The following SLC9A8 variants were observed in gnomAD, a reference collection of about 807,000 sequenced individuals.
The protein encoded by SLC9A8 is solute carrier family 9 member A8, also known as sodium/hydrogen exchanger 8.
In SLC9A8, 48 loss-of-function variants were observed where a neutral mutation model predicts 66.6. That is an observed-to-expected ratio of 0.72 (90% CI 0.57 to 0.92). The LOEUF (loss-of-function observed/expected upper bound fraction) is 0.92, where lower values mean the gene tolerates loss of function less well. Among genes scored for constraint, SLC9A8 ranks in the 40% least tolerant of loss-of-function variants. The pLI is 0.00. For missense variants in SLC9A8, 599 were observed against 747.3 expected, an observed-to-expected ratio of 0.80 and a Z score of 2.31; for synonymous variants, 274 against 282.6, an observed-to-expected ratio of 0.97 and a Z score of 0.31.
At chr20:49,857,271 C>T (rs1006969614) in intron 8 of SLC9A8, among the ~76,000 whole-genome samples, 16 of 152,216 alleles carry the variant, frequency 1.1e-4, no homozygotes, top group African/African-American at 2.9e-4. Context: ...TTTCCATTTA[C>T]CTGAATACTG....
At chr20:49,835,679 CTTTT>C (rs34461954) in intron 3 of SLC9A8, among the ~76,000 whole-genome samples, 4 of 71,958 alleles carry the variant, frequency 5.6e-5, no homozygotes, top group East Asian at 9.1e-4. Flanking sequence ...ACACAATTCA[CTTTT>C]TTTTTTTTTT....
At chr20:49,832,808 G>A (rs1196873496) in intron 3 of SLC9A8, among the ~76,000 whole-genome samples, 1 of 152,132 alleles carries the variant, frequency 6.6e-6, no homozygotes, top group African/African-American at 2.4e-5. Context: ...ATGTGGTAAT[G>A]TAACCGGTTA....
chr20:49,882,998 GC>G (rs1414586121), intron 13 of SLC9A8, among the ~76,000 whole-genome samples: 158 of 134,832 alleles, frequency 1.2e-3, no homozygotes, highest in Middle Eastern at 4.0e-3. Context: ...TCTGCACCAT[GC>G]CCCCCCCCAC....
chr20:49,885,601 C>T (rs555169832), intron 14 of SLC9A8, among the ~76,000 whole-genome samples: 1 of 152,382 alleles, frequency 6.6e-6, no homozygotes, highest in Admixed American at 6.5e-5. Flanking sequence ...CCTGTGAACA[C>T]GCTTGGCGAA....
intron 4 of SLC9A8, 100 bp downstream of exon 4, chr20:49,839,699 A>G: frequency 2.9e-6 from 2 of 684,710 alleles, no homozygotes; most frequent in Admixed American, 2.8e-5. Flanking sequence ...TTATATTATT[A>G]TGTTATATAT....
intron 3 of SLC9A8, 146 bp from the exon 4 acceptor site, chr20:49,839,395 T>C: frequency 2.3e-6 from 1 of 430,892 alleles, no homozygotes. Flanking sequence ...ATGTCTCACG[T>C]CTCCCTAAAA....
chr20:49,824,596 T>C (rs555347299), intron 3 of SLC9A8, among the ~76,000 whole-genome samples: 1 of 152,348 alleles, frequency 6.6e-6, no homozygotes, highest in Non-Finnish European at 1.5e-5. Context: ...TATAATTTCA[T>C]TTGGAATTTC....
intron 2 of SLC9A8, among the ~76,000 whole-genome samples, chr20:49,816,431 A>C (rs1337875977): frequency 2.6e-5 from 4 of 151,934 alleles, no homozygotes; most frequent in South Asian, 4.2e-4. Flanking sequence ...AAAAAAAAAA[A>C]CAAAAAAAAC....
chr20:49,835,676 T>A (rs1177045453), intron 3 of SLC9A8, among the ~76,000 whole-genome samples: 1 of 136,822 alleles, frequency 7.3e-6, no homozygotes. Context: ...GCCACACAAT[T>A]CACTTTTTTT....
At chr20:49,872,509 A>G (rs534632248) in intron 10 of SLC9A8, among the ~76,000 whole-genome samples, 53 of 150,772 alleles carry the variant, frequency 3.5e-4, no homozygotes, top group African/African-American at 1.2e-3. Flanking sequence ...TTTTTGAGAC[A>G]GAGTCTTGCT....
Position 49,855,512 on chromosome 20 carries a change from ACCCCG to A in SLC9A8, c.645_649del (p.Pro216AlafsTer24). On this transcript the variant is annotated frameshift_variant, in exon 8 of 16. Coordinates refer to ENST00000361573, the MANE Select transcript of SLC9A8 (RefSeq NM_015266.3). LOFTEE classifies it high-confidence loss of function. ...GCCATTTTCAATGCACTTCATGTGGACCCCGTGCTCAACATGCTGGTCTTTGGAGA... is the reference window on the plus strand; with the variant it reads ...GCCATTTTCAATGCACTTCATGTGGATGCTCAACATGCTGGTCTTTGGAGA... The A allele has an allele frequency of 1.9e-6, 3 of 1,614,104 alleles. No homozygotes were observed. The highest frequency in any genetic ancestry group is 2.5e-6 in the Non-Finnish European group (3 of 1,180,014).
chr20:49,878,008 T>C lies in SLC9A8; in HGVS notation c.1103T>C (p.Leu368Pro), dbSNP rs538443862. ...ACATGTGTGTTTGCATTTCTTGGCC[T>C]GTCCATTTTTAGTTTTCCTCACAAG... Reference protein sequence around the residue: ...CETCVFAFLGLSIFSFPHKFE... With the variant: ...CETCVFAFLGPSIFSFPHKFE... The change falls in exon 12 of 16, where the codon CTG (leucine) becomes CCG (proline). Residue 368 changes from leucine to proline, a missense_variant. This residue lies in a region of SLC9A8 where 467 missense variants were observed against 626.5 expected (regional missense o/e 0.75). Coordinates refer to ENST00000361573, the MANE Select transcript of SLC9A8 (RefSeq NM_015266.3). The C allele has an allele frequency of 1.2e-6, 2 of 1,605,944 alleles. No homozygotes were observed. Among genetic ancestry groups the C allele is most frequent in the Non-Finnish European group, 1.7e-6 (2 of 1,178,224 alleles).
In SLC9A8 at chr20:49,886,715, G is replaced by C. The variant is rs755048998; in HGVS notation, c.1492-37G>C. On this transcript the variant is annotated intron_variant, in intron 14 of 15. Transcript: ENST00000361573. The surrounding 1 kb of genome is among the most constrained non-coding windows in gnomAD (Gnocchi z 4.8). ...CAGGAGGTGCCCCCCGATGGTGCCAGCTGGTGGCCGTCGGGCCGCCTTTCC... is the reference window on the plus strand; with the variant it reads ...CAGGAGGTGCCCCCCGATGGTGCCACCTGGTGGCCGTCGGGCCGCCTTTCC... 9 of 1,600,416 alleles carry C rather than the reference G, an allele frequency of 5.6e-6. No homozygotes were observed. The highest frequency in any genetic ancestry group is 6.8e-6 in the Non-Finnish European group (8 of 1,172,032).
intron 3 of SLC9A8, chr20:49,830,058 C>G (rs2087108818): frequency 1.4e-6 from 1 of 706,686 alleles, no homozygotes; most frequent in Non-Finnish European, 2.7e-6. Context: ...AGAAGCGAGC[C>G]TGTTAAAGAT....
Position 49,849,684 on chromosome 20 carries a change from A to G in SLC9A8, c.534+4A>G, listed in dbSNP as rs201292566. ...AGGAATTTATTTTCTGGGTCAGGTA[A>G]GAAAATCATCTTTGAAACACTTTGA... On this transcript the variant is annotated splice_donor_region_variant and intron_variant, in intron 6 of 15. Transcript: ENST00000361573. 6.3e-7 allele frequency: 1 copy of G among 1,598,352 alleles called. No homozygotes were observed. Among genetic ancestry groups the G allele is most frequent in the Non-Finnish European group, 8.6e-7 (1 of 1,165,890 alleles).
chr20:49,877,154 C>T (rs931543026), intron 11 of SLC9A8, among the ~76,000 whole-genome samples: 2 of 147,956 alleles, frequency 1.4e-5, no homozygotes, highest in Non-Finnish European at 3.0e-5. Flanking sequence ...AATAGCTGGG[C>T]GTGGTGGCGA....
chr20:49,880,663 G>A (rs775090741), intron 12 of SLC9A8, among the ~76,000 whole-genome samples: 2 of 152,110 alleles, frequency 1.3e-5, no homozygotes, highest in Non-Finnish European at 2.9e-5. Flanking sequence ...CTGATACCTC[G>A]TCCGTCCTCT....
chr20:49,816,177 T>C (rs1170203325), intron 2 of SLC9A8, among the ~76,000 whole-genome samples: 2 of 152,120 alleles, frequency 1.3e-5, no homozygotes, highest in African/African-American at 2.4e-5. Flanking sequence ...ACCAACACTT[T>C]GGGAGGCCAA....
At chr20:49,881,110 T>C (rs2089611787) in intron 13 of SLC9A8, 75 bp downstream of exon 13, 1 of 1,080,378 alleles carries the variant, frequency 9.3e-7, no homozygotes, top group Admixed American at 1.7e-5. Context: ...GAGCTGTGGT[T>C]CTCTGCTAGC....
Sources: gnomAD v4.1 joint callset for allele counts (sites outside exome capture counted in the v4.1 genomes callset) on GRCh38, gnomAD v4.1.1 for gene constraint, gnomAD v4.1.1 regional missense constraint, Gnocchi (gnomAD v3.1) non-coding constraint, MANE v1.5 for transcripts, NCBI Gene and HGNC (gene_info 2026-07-23, HGNC 2026-07-21) for gene names.